KHSRP: variants seen among roughly 807,000 people sequenced by gnomAD.
KHSRP encodes KH-type splicing regulatory protein, also known as far upstream element-binding protein 2.
A neutral mutation model predicts 94.9 loss-of-function variants in KHSRP; 13 were observed. The ratio of observed to expected loss-of-function variants is 0.14; its 90% CI spans 0.09 to 0.22. The LOEUF is 0.22. Ranked by LOEUF, KHSRP falls within the 10% of genes least tolerant of loss-of-function variation. The pLI is 1.00. For missense variants in KHSRP, 710 were observed against 1,010.0 expected, an observed-to-expected ratio of 0.70 and a Z score of 4.03; for synonymous variants, 495 against 401.4, an observed-to-expected ratio of 1.23 and a Z score of -2.79.
In KHSRP at chr19:6,418,197, G is replaced by A; in HGVS notation, c.880-118C>T. The A allele has an allele frequency of 1.2e-6, 1 of 816,864 alleles. No individual in the cohort carries two copies. Among genetic ancestry groups the A allele is most frequent in the Non-Finnish European group, 2.0e-6 (1 of 489,134 alleles). The allele number at this position is 816,864 out of a possible 1,614,324, so 50.6% of individuals were successfully genotyped here. On this transcript the variant is annotated intron_variant, in intron 9 of 18. Coordinates refer to ENST00000600480, the MANE Select transcript of KHSRP (RefSeq NM_001366299.1). The surrounding 1 kb of genome is among the most constrained non-coding windows in gnomAD (Gnocchi z 4.3). ...ACGAACCCTGGGTGAGCCCAGCACA[G>A]CACCCTACTGAGCTCTCTACCTGCC...
chr19:6,422,296 C>T, intron 2 of KHSRP, 44 bp downstream of exon 2: 3 of 1,379,762 alleles, frequency 2.2e-6, no homozygotes, highest in Non-Finnish European at 3.1e-6. Context: ...CTCTTTAGGC[C>T]CCCAGCCCTT....
chr19:6,422,537 C>A, intron 1 of KHSRP, 101 bp from the exon 2 acceptor site: 2 of 851,506 alleles, frequency 2.3e-6, no homozygotes, highest in South Asian at 1.5e-5. Context: ...GAAAGCCCAT[C>A]AGGTCTTGGT....
chr19:6,421,737 G>A (rs746232171), intron 2 of KHSRP, 49 bp from the exon 3 acceptor site: 29 of 1,605,846 alleles, frequency 1.8e-5, no homozygotes, highest in Admixed American at 5.0e-5. Context: ...ACCCACGGCC[G>A]CCTCGAACCT....
intron 5 of KHSRP, 79 bp from the exon 6 acceptor site, chr19:6,420,223 C>A: frequency 7.3e-7 from 1 of 1,364,262 alleles, no homozygotes; most frequent in South Asian, 1.2e-5. Context: ...GTGGCCGGGG[C>A]CCCAGCCCCT....
chr19:6,424,513 G>A lies in KHSRP; in HGVS notation c.189C>T (p.Gly63=), dbSNP rs2092220047. The A allele has an allele frequency of 2.0e-6, 2 of 986,370 alleles. No individual in the cohort carries two copies. Among genetic ancestry groups the A allele is most frequent in the Non-Finnish European group, 2.4e-6 (2 of 832,206 alleles). The allele number at this position is 986,370 out of a possible 1,614,324, so 61.1% of individuals were successfully genotyped here. A position where few individuals can be genotyped will look rare whatever the true frequency, so the allele number is the denominator to read the frequency against. ...CCTTGCGGATTCCCGGGCCGCCTCC[G>A]CCGGGTGGCTGAGAGGGGCCCCCGG... ...GSAGGPSQPP[G]GGGPGIRKDA... The change falls in exon 1 of 19, where the codon GGC becomes GGT. Residue 63 remains glycine, a synonymous_variant. Transcript: ENST00000600480.
At chr19:6,424,357 T>A in intron 1 of KHSRP, 96 bp downstream of exon 1, 6 of 504,814 alleles carry the variant, frequency 1.2e-5, no homozygotes, top group Non-Finnish European at 1.5e-5. Flanking sequence ...CCGGCCCCCC[T>A]CCGCGACCCT....
At chr19:6,420,394 C>G (rs752683314) in intron 5 of KHSRP, 28 bp downstream of exon 5, 2 of 1,610,436 alleles carry the variant, frequency 1.2e-6, no homozygotes, top group Non-Finnish European at 1.7e-6. Context: ...AAGAGTGGGC[C>G]TCCCCACCCA....
rs1035013082 is a variant in KHSRP, at chr19:6,414,805, C to T, written c.*219G>A. The T allele has an allele frequency of 1.2e-5, 14 of 1,171,696 alleles. No homozygotes were observed. The highest frequency in any genetic ancestry group is 1.5e-5 in the Non-Finnish European group (14 of 948,316). The allele number at this position is 1,171,696 out of a possible 1,614,324, so 72.6% of individuals were successfully genotyped here. On this transcript the variant is annotated 3_prime_UTR_variant, in exon 19 of 19. Coordinates refer to ENST00000600480, the MANE Select transcript of KHSRP (RefSeq NM_001366299.1). ...CGAGGTGGTGGCGGCCGGGCCGGTG[C>T]CCACCGTCCGCGCTGTCTGCCTGCC... is the stretch of plus-strand genomic sequence containing the variant.
chr19:6,416,439 G>T, intron 14 of KHSRP, 32 bp from the exon 15 acceptor site: 1 of 1,613,008 alleles, frequency 6.2e-7, no homozygotes, highest in African/African-American at 1.3e-5. Context: ...AAGGTAAGTG[G>T]GCTGGGATCC....
chr19:6,414,198 G>A lies in KHSRP; in HGVS notation c.*826C>T, dbSNP rs746454398. The A allele has an allele frequency of 1.3e-6, 2 of 1,550,874 alleles. No homozygotes were observed. The highest frequency in any genetic ancestry group is 2.8e-5 in the African/African-American group (2 of 72,158). ...AGACTAGGGGGCGGAAGAGAGGAGG[G>A]GCTGGAACACCGTGGGGGGGGCCAG... On this transcript the variant is annotated 3_prime_UTR_variant, in exon 19 of 19. Transcript: ENST00000600480.
chr19:6,423,752 C>G (rs1289736208), intron 1 of KHSRP, among the ~76,000 whole-genome samples: 1 of 152,226 alleles, frequency 6.6e-6, no homozygotes, highest in African/African-American at 2.4e-5. Context: ...ACCCCCACCC[C>G]TCCAGGCCAT....
chr19:6,418,645 G>C lies in KHSRP; in HGVS notation c.780+57C>G. The C allele has an allele frequency of 6.2e-7, 1 of 1,613,088 alleles. No individual in the cohort carries two copies. On this transcript the variant is annotated intron_variant, in intron 8 of 18. Transcript: ENST00000600480. The surrounding 1 kb of genome is among the most constrained non-coding windows in gnomAD (Gnocchi z 4.3). The stretch of plus-strand genomic sequence containing the variant: ...CAGGACTTCCTGGGCTGCTGTGGTG[G>C]TGGCGGTGGGGTGTGGCACACGGAT...
Position 6,415,867 on chromosome 19 carries a change from G to A in KHSRP, c.1628C>T (p.Pro543Leu). The change falls in exon 16 of 19, where the codon CCA (proline) becomes CTA (leucine). Residue 543 changes from proline to leucine, a missense_variant. Transcript: ENST00000600480. ...GTAGGTATTGCCCCAGCCCTGGGGT[G>A]GGTACTGGTGAGGAGGGGGCCCCCC... ...HAGGPPPHQYPPQGWGNTYPQ... is the reference protein window; with the variant it reads ...HAGGPPPHQYLPQGWGNTYPQ... 1 of 1,552,268 alleles carries A rather than the reference G, an allele frequency of 6.4e-7. No individual in the cohort carries two copies. Among genetic ancestry groups the A allele is most frequent in the Non-Finnish European group, 8.7e-7 (1 of 1,149,088 alleles).
chr19:6,416,195 C>T, intron 15 of KHSRP, 103 bp downstream of exon 15: 1 of 940,502 alleles, frequency 1.1e-6, no homozygotes, highest in Non-Finnish European at 1.6e-6. Flanking sequence ...CTGGATGAGG[C>T]CCCCCGCCTG....
At chr19:6,421,910 C>T (rs1157156765) in intron 2 of KHSRP, among the ~76,000 whole-genome samples, 1 of 152,220 alleles carries the variant, frequency 6.6e-6, no homozygotes, top group Non-Finnish European at 1.5e-5. Context: ...CACGCAACCA[C>T]CACCAGGCAC....
Position 6,416,419 on chromosome 19 carries a change from G to C in KHSRP, c.1489-12C>G. Reference sequence around the variant, plus strand: ...GGGCAGAGAGGACCCTAGAAGGAAGGAGAGTAACCAAGGTAAGTGGGCTGG... The same window carrying C: ...GGGCAGAGAGGACCCTAGAAGGAAGCAGAGTAACCAAGGTAAGTGGGCTGG... On this transcript the variant is annotated splice_polypyrimidine_tract_variant and intron_variant, in intron 14 of 18. Transcript: ENST00000600480. 6.2e-7 allele frequency: 1 copy of C among 1,613,292 alleles called. No individual in the cohort carries two copies.
At chr19:6,417,688 CAA>C (rs2092160118) in intron 11 of KHSRP, 49 bp downstream of exon 11, 1 of 1,523,580 alleles carries the variant, frequency 6.6e-7, no homozygotes. Context: ...GCCTGCCTCC[CAA>C]AGAGGGTGGG....
intron 13 of KHSRP, 28 bp downstream of exon 13, chr19:6,416,710 G>A (rs779841523): frequency 5.6e-6 from 9 of 1,610,728 alleles, no homozygotes; most frequent in South Asian, 1.1e-5. Flanking sequence ...GAGGGGGCAA[G>A]GGATAGGGTG....
chr19:6,420,083 C>T lies in KHSRP; in HGVS notation c.537G>A (p.Gln179=), dbSNP rs772615330. 1.2e-6 allele frequency: 2 copies of T among 1,613,062 alleles called. No individual in the cohort carries two copies. The highest frequency in any genetic ancestry group is 4.5e-5 in the East Asian group (2 of 44,892). Residue 179 remains glutamine, a synonymous_variant, in exon 6 of 19, where the codon CAG becomes CAA. Transcript: ENST00000600480. ...CTGACGCTCTTATACCTGGAGAAATCTGTACTTTGCAGCCTGAATCCTGTT... is the reference window on the plus strand; with the variant it reads ...CTGACGCTCTTATACCTGGAGAAATTTGTACTTTGCAGCCTGAATCCTGTT... ...KIQQDSGCKV[Q]ISPDSGGLPE... is the part of the protein sequence containing the mutation.
Sources: gnomAD v4.1 joint callset for allele counts (sites outside exome capture counted in the v4.1 genomes callset) on GRCh38, gnomAD v4.1.1 for gene constraint, Gnocchi (gnomAD v3.1) non-coding constraint, MANE v1.5 for transcripts, NCBI Gene and HGNC (gene_info 2026-07-23, HGNC 2026-07-21) for gene names.